CNTLN: variants seen among roughly 807,000 people sequenced by gnomAD.
CNTLN encodes centlein.
CNTLN carries 212 observed loss-of-function variants against 180.0 expected under a neutral mutation model. The ratio of observed to expected loss-of-function variants is 1.18; its 90% CI spans 1.05 to 1.32. The LOEUF (loss-of-function observed/expected upper bound fraction) is 1.32, where lower values mean the gene tolerates loss of function less well. CNTLN is among the 40% of genes most tolerant of loss of function. CNTLN has a pLI of 0.00. For missense variants in CNTLN, 2,095 were observed against 1,610.9 expected (o/e 1.30, Z -5.14); for synonymous variants, 722 against 563.1 (o/e 1.28, Z -3.99).
chr9:17,265,354 C>T (rs544827205), intron 5 of CNTLN, among the ~76,000 whole-genome samples: 19 of 152,174 alleles, frequency 1.2e-4, no homozygotes, highest in African/African-American at 1.9e-4. Flanking sequence ...TATTGATTTG[C>T]GTATGTTGTA....
chr9:17,379,582 C>G (rs1447068078), intron 13 of CNTLN, among the ~76,000 whole-genome samples: 4 of 152,174 alleles, frequency 2.6e-5, no homozygotes, highest in African/African-American at 9.7e-5. Flanking sequence ...TCAGGGATGA[C>G]ATTGTCTGAT....
intron 23 of CNTLN, among the ~76,000 whole-genome samples, chr9:17,480,358 CAAAA>C (rs56758433): frequency 1.6e-3 from 233 of 148,022 alleles, no homozygotes; most frequent in Middle Eastern, 3.4e-3. Flanking sequence ...AAATTAATGG[CAAAA>C]AAAAAAAAAC....
chr9:17,163,605 A>T lies in CNTLN; in HGVS notation c.449+20229A>T, dbSNP rs896621049. 8.5e-5 allele frequency among the ~76,000 whole-genome samples: 13 copies of T among 152,362 alleles called. No individual in the cohort carries two copies. The East Asian group carries it at 2.5e-3, about 29-fold the overall frequency. ...GCATATTTTCCACAGTGCTTATTAC[A>T]GTCGCTGGCACAAAGGCACTGAATA... On this transcript the variant is annotated intron_variant, in intron 2 of 25. Transcript: ENST00000380647.
At chr9:17,149,612 G>C (rs1489042663) in intron 2 of CNTLN, among the ~76,000 whole-genome samples, 1 of 150,342 alleles carries the variant, frequency 6.7e-6, no homozygotes, top group Admixed American at 6.6e-5. Flanking sequence ...CTGCCTCCCG[G>C]GTTCATGCCA....
chr9:17,380,614 G>C (rs1416407423), intron 13 of CNTLN, among the ~76,000 whole-genome samples: 1 of 152,164 alleles, frequency 6.6e-6, no homozygotes, highest in Non-Finnish European at 1.5e-5. Context: ...CTATGACCAA[G>C]CCTGACAAAT....
chr9:17,287,963 T>C (rs1424518253), intron 6 of CNTLN, among the ~76,000 whole-genome samples: 7 of 144,074 alleles, frequency 4.9e-5, no homozygotes, highest in African/African-American at 1.9e-4. Context: ...AACCAGCTCC[T>C]GGATTCCTTG....
chr9:17,254,090 T>C (rs1376464499), intron 5 of CNTLN, among the ~76,000 whole-genome samples: 1 of 151,642 alleles, frequency 6.6e-6, no homozygotes, highest in East Asian at 1.9e-4. Context: ...TTGATTTGTA[T>C]ATATTGAATC....
chr9:17,261,004 G>T (rs1048287914), intron 5 of CNTLN, among the ~76,000 whole-genome samples: 1 of 151,000 alleles, frequency 6.6e-6, no homozygotes, highest in East Asian at 1.9e-4. Flanking sequence ...CTTTATTTCT[G>T]GGTTCTCTAT....
chr9:17,463,510 T>C lies in CNTLN; in HGVS notation c.3404+497T>C, dbSNP rs1831573292. On this transcript the variant is annotated intron_variant, in intron 20 of 25. Transcript: ENST00000380647. ...CAAAATTATTTTCTTTCTGTATCTT[T>C]CAAAGCTACACTATTGCTTAGAAAT... 2.0e-5 allele frequency among the ~76,000 whole-genome samples: 3 copies of C among 151,592 alleles called. No individual in the cohort carries two copies. The South Asian group carries it at 6.2e-4, about 31-fold the overall frequency.
chr9:17,333,615 T>C (rs1820789809), intron 10 of CNTLN, among the ~76,000 whole-genome samples: 1 of 152,194 alleles, frequency 6.6e-6, no homozygotes, highest in Admixed American at 6.5e-5. Context: ...TTTATGGGTA[T>C]AGTTAACAAT....
At chr9:17,488,718 C>T (rs978639358) in intron 25 of CNTLN, among the ~76,000 whole-genome samples, 3 of 152,090 alleles carry the variant, frequency 2.0e-5, no homozygotes, top group African/African-American at 7.2e-5. Context: ...TGGCATCAGA[C>T]TGCTTAATAC....
At chr9:17,245,896 A>G (rs1313165371) in intron 5 of CNTLN, among the ~76,000 whole-genome samples, 2 of 151,940 alleles carry the variant, frequency 1.3e-5, no homozygotes, top group Non-Finnish European at 2.9e-5. Flanking sequence ...CTTTTTAATA[A>G]CTTCAATTCC....
At chr9:17,283,059 T>G (rs1240448156) in intron 6 of CNTLN, among the ~76,000 whole-genome samples, 1 of 152,238 alleles carries the variant, frequency 6.6e-6, no homozygotes, top group Non-Finnish European at 1.5e-5. Context: ...TAGGATTGTC[T>G]TGGCTATACG....
At chr9:17,193,203 G>A (rs370235546) in intron 2 of CNTLN, among the ~76,000 whole-genome samples, 4 of 152,006 alleles carry the variant, frequency 2.6e-5, no homozygotes, top group Admixed American at 1.3e-4. Context: ...ATTCCACCCC[G>A]GCCCCTCCGC....
chr9:17,294,498 G>C (rs993579807), intron 6 of CNTLN, among the ~76,000 whole-genome samples: 1 of 151,520 alleles, frequency 6.6e-6, no homozygotes, highest in Non-Finnish European at 1.5e-5. Flanking sequence ...ACACGGTGCT[G>C]ATTGGTGTGT....
At chr9:17,351,067 G>A (rs761452212) in intron 12 of CNTLN, among the ~76,000 whole-genome samples, 1 of 151,956 alleles carries the variant, frequency 6.6e-6, no homozygotes, top group Non-Finnish European at 1.5e-5. Flanking sequence ...TCAAATTCTC[G>A]CCAGTATATG....
At chr9:17,432,139 A>T (rs1320346417) in intron 18 of CNTLN, among the ~76,000 whole-genome samples, 2 of 152,244 alleles carry the variant, frequency 1.3e-5, no homozygotes, top group African/African-American at 4.8e-5. Flanking sequence ...ACCTGGAGAA[A>T]TCAGGGGAAA....
rs1322144831 is a variant in CNTLN, at chr9:17,425,054, A to G, written c.3114+8865A>G. ...CTAAAAAGCTCTCTCCTGAAATAATATCTATATTTAGCGAAAACAGAGTAA... is the reference window on the plus strand; with the variant it reads ...CTAAAAAGCTCTCTCCTGAAATAATGTCTATATTTAGCGAAAACAGAGTAA... On this transcript the variant is annotated intron_variant, in intron 18 of 25. Transcript: ENST00000380647. 4.6e-5 allele frequency among the ~76,000 whole-genome samples: 7 copies of G among 152,346 alleles called. No individual in the cohort carries two copies. The East Asian group carries it at 1.3e-3, about 29-fold the overall frequency.
intron 5 of CNTLN, among the ~76,000 whole-genome samples, chr9:17,242,778 T>C (rs989287139): frequency 1.3e-5 from 2 of 152,236 alleles, no homozygotes; most frequent in Non-Finnish European, 2.9e-5. Flanking sequence ...TTGGTATCAG[T>C]GTTCATCAGG....
Sources: gnomAD v4.1 joint callset for allele counts (sites outside exome capture counted in the v4.1 genomes callset) on GRCh38, gnomAD v4.1.1 for gene constraint, MANE v1.5 for transcripts, NCBI Gene and HGNC (gene_info 2026-07-23, HGNC 2026-07-21) for gene names.